Variants in TMC3 observed in about 807,000 individuals in gnomAD.
TMC3 encodes the protein transmembrane channel-like protein 3.
TMC3 carries 98 observed loss-of-function variants against 110.6 expected under a neutral mutation model. The ratio of observed to expected loss-of-function variants is 0.89; its 90% confidence interval spans 0.75 to 1.05. The LOEUF (loss-of-function observed/expected upper bound fraction) is 1.05. TMC3 is among the 50% of genes least tolerant of loss of function. TMC3 has a pLI of 0.00. For missense variants in TMC3, 1,319 were observed against 1,373.2 expected (o/e 0.96, Z 0.62); for synonymous variants, 489 against 513.1 (o/e 0.95, Z 0.63).
At chr15:81,353,991 T>C (rs1224107671) in intron 9 of TMC3, among the ~76,000 whole-genome samples, 1 of 152,220 alleles carries the variant, frequency 6.6e-6, no homozygotes, top group Admixed American at 6.5e-5. Flanking sequence ...TTTCCTAATT[T>C]GGTCTCACTT....
In TMC3 at chr15:81,344,991, G is replaced by A; in HGVS notation, c.1293C>T (p.Asn431=). The A allele has an allele frequency of 6.3e-7, 1 of 1,583,634 alleles. No individual in the cohort carries two copies. Among genetic ancestry groups the A allele is most frequent in the Non-Finnish European group, 8.6e-7 (1 of 1,164,262 alleles). Residue 431 remains asparagine, a synonymous_variant, in exon 13 of 22, where the codon AAC becomes AAT. Coordinates refer to ENST00000359440, the MANE Select transcript of TMC3 (RefSeq NM_001080532.3). ...MSIEEMATKN[N]TSHWIDSTTF... ...TGGTGGAATCTATCCAATGACTTGT[G>A]TTATTTTTGGTAGCCATTTCCTGGG... is the stretch of plus-strand genomic sequence containing the variant.
intron 16 of TMC3, among the ~76,000 whole-genome samples, chr15:81,340,213 T>A (rs1054154331): frequency 8.0e-6 from 1 of 124,692 alleles, no homozygotes; most frequent in Non-Finnish European, 1.6e-5. Flanking sequence ...TCTCTGTCTC[T>A]CTCTGTCTCT....
rs1177566427 is a variant in TMC3 at position 81,358,151 on chromosome 15, T to C, written c.741A>G (p.Lys247=). ...VFAYSFIILL[K]KMAKNSRTSL... The stretch of plus-strand genomic sequence containing the variant: ...TTTGAGAAATTGAGCAGTCATACTT[T>C]TTTAAAAGAATGATGAAGCTGTAAG... Residue 247 remains lysine (K), a splice_region_variant and synonymous_variant, in exon 7 of 22, where the codon AAA becomes AAG. Transcript: ENST00000359440. 6.3e-7 allele frequency: 1 copy of C among 1,591,888 alleles called. No individual in the cohort carries two copies. The highest frequency in any genetic ancestry group is 8.5e-7 in the Non-Finnish European group (1 of 1,171,128).
intron 3 of TMC3, among the ~76,000 whole-genome samples, chr15:81,363,795 T>C (rs906884610): frequency 6.6e-6 from 1 of 152,186 alleles, no homozygotes; most frequent in East Asian, 1.9e-4. Context: ...TCCTAGGGCA[T>C]AGAGAGGGAG....
chr15:81,344,109 A>G lies in TMC3; in HGVS notation c.1519-64T>C, dbSNP rs1414166849. ...CCCTTCCCACGGTCACTCTTCCTTC[A>G]GGGTGCTCCTAATCTCTGTTCATTC... is the stretch of plus-strand genomic sequence containing the variant. On this transcript the variant is annotated intron_variant, in intron 13 of 21. Transcript: ENST00000359440. The G allele has an allele frequency of 1.9e-6, 3 of 1,554,844 alleles. No homozygotes were observed. In the African/African-American group the frequency reaches 4.1e-5, roughly 21 times the overall value.
rs771897153 is a variant in TMC3 at position 81,356,577 on chromosome 15, C to T, written c.761G>A (p.Arg254His). The T allele has an allele frequency of 3.1e-5, 50 of 1,587,966 alleles. No homozygotes were observed. Among genetic ancestry groups the T allele is most frequent in the East Asian group, 4.6e-5 (2 of 43,776 alleles). Reference protein sequence around the residue: ...ILLKKMAKNSRTSLASASNEN... With the variant: ...ILLKKMAKNSHTSLASASNEN... ...ATTGGAAGCACTGGCAAGACTCGTG[C>T]GGGAGTTCTTAGCCATCCTGCAAAA... The change falls in exon 8 of 22, where the codon CGC becomes CAC. Residue 254 changes from arginine (R) to histidine (H), a missense_variant. Transcript: ENST00000359440.
In TMC3 at chr15:81,356,573, C is replaced by T. The variant is rs375067089; in HGVS notation, c.765G>A (p.Thr255=). 3.8e-5 allele frequency: 61 copies of T among 1,587,950 alleles called. No individual in the cohort carries two copies. Among genetic ancestry groups the T allele is most frequent in the Middle Eastern group, 1.7e-4 (1 of 6,056 alleles). The change falls in exon 8 of 22, where the codon ACG becomes ACA. Residue 255 remains threonine (T), a synonymous_variant. Transcript: ENST00000359440. ...TTTCATTGGAAGCACTGGCAAGACTCGTGCGGGAGTTCTTAGCCATCCTGC... is the reference window on the plus strand; with the variant it reads ...TTTCATTGGAAGCACTGGCAAGACTTGTGCGGGAGTTCTTAGCCATCCTGC... ...LLKKMAKNSR[T]SLASASNENY...
chr15:81,332,245 A>C lies in TMC3; in HGVS notation c.*174T>G. 2 of 933,896 alleles carry C rather than the reference A, an allele frequency of 2.1e-6. No homozygotes were observed. The highest frequency in any genetic ancestry group is 5.4e-5 in the East Asian group (2 of 36,718). The allele number at this position is 933,896 out of a possible 1,614,324, so 57.9% of individuals were successfully genotyped here. A position where few individuals can be genotyped will look rare whatever the true frequency, so the allele number is the denominator to read the frequency against. ...GATAAATTTGGCTAACAGTAGCTGT[A>C]GAATAGGTATCTGTAGCCCTGTCAG... is the stretch of plus-strand genomic sequence containing the variant. On this transcript the variant is annotated 3_prime_UTR_variant, in exon 22 of 22. Coordinates refer to ENST00000359440, the MANE Select transcript of TMC3 (RefSeq NM_001080532.3).
intron 15 of TMC3, among the ~76,000 whole-genome samples, chr15:81,342,363 G>A (rs1567062517): frequency 6.6e-6 from 1 of 152,156 alleles, no homozygotes; most frequent in Non-Finnish European, 1.5e-5. Flanking sequence ...TGGATGTTAG[G>A]CAAGACACTA....
intron 4 of TMC3, among the ~76,000 whole-genome samples, chr15:81,360,381 C>T (rs771671282): frequency 6.6e-6 from 1 of 152,164 alleles, no homozygotes; most frequent in Non-Finnish European, 1.5e-5. Flanking sequence ...AAATACTCTT[C>T]TATAAAATAA....
intron 10 of TMC3, among the ~76,000 whole-genome samples, chr15:81,350,220 G>A (rs1446759644): frequency 6.6e-6 from 1 of 152,192 alleles, no homozygotes; most frequent in Non-Finnish European, 1.5e-5. Context: ...GGGCAACAGA[G>A]TGAAACCTTG....
rs150152539 is a variant in TMC3, at chr15:81,338,920, T to A, written c.1956-140A>T. On this transcript the variant is annotated intron_variant, in intron 17 of 21. Coordinates refer to ENST00000359440, the MANE Select transcript of TMC3 (RefSeq NM_001080532.3). Reference sequence around the variant, plus strand: ...TTTCATATCTAATTAATATGGAGGATGGAAGATGGGGTCATTAATCACATT... The same window carrying A: ...TTTCATATCTAATTAATATGGAGGAAGGAAGATGGGGTCATTAATCACATT... The A allele has an allele frequency of 2.4e-5, 22 of 916,426 alleles. No individual in the cohort carries two copies. The East Asian group carries it at 5.4e-4, about 22-fold the overall frequency. 56.8% of individuals were successfully genotyped at this position (916,426 alleles called of 1,614,324 possible). A position where few individuals can be genotyped will look rare whatever the true frequency, so the allele number is the denominator to read the frequency against.
At chr15:81,367,587 A>G (rs986796430) in intron 3 of TMC3, among the ~76,000 whole-genome samples, 1 of 152,226 alleles carries the variant, frequency 6.6e-6, no homozygotes, top group Non-Finnish European at 1.5e-5. Flanking sequence ...ATTGGCATAT[A>G]CCTGCAGCTT....
chr15:81,331,811 G>T lies in TMC3; in HGVS notation c.*608C>A, dbSNP rs1376423128. ...AGGGAAGAACCTCGAGTGAGCGCGT[G>T]CACAACTCCAGTAAACACACTGCGC... is the stretch of plus-strand genomic sequence containing the variant. On this transcript the variant is annotated 3_prime_UTR_variant, in exon 22 of 22. Coordinates refer to ENST00000359440, the MANE Select transcript of TMC3 (RefSeq NM_001080532.3). The T allele has an allele frequency of 1.3e-5, 2 of 152,138 alleles. No individual in the cohort carries two copies. Among genetic ancestry groups the T allele is most frequent in the African/African-American group, 2.4e-5 (1 of 41,338 alleles). The allele number at this position is 152,138 out of a possible 1,614,324, so 9.4% of individuals were successfully genotyped here.
chr15:81,364,640 A>G (rs192042963), intron 3 of TMC3, among the ~76,000 whole-genome samples: 1 of 150,692 alleles, frequency 6.6e-6, no homozygotes. Flanking sequence ...TATGTAACTA[A>G]CCTGCACAAT....
chr15:81,338,654 C>T lies in TMC3; in HGVS notation c.2081+1G>A. The T allele has an allele frequency of 6.2e-7, 1 of 1,613,892 alleles. No individual in the cohort carries two copies. Among genetic ancestry groups the T allele is most frequent in the Non-Finnish European group, 8.5e-7 (1 of 1,179,826 alleles). ...CCAAAGCTGGCAGGTGTGGTACTCA[C>T]AAAAGCAGGAGTACTGCGGGCAGGA... On this transcript the variant is annotated splice_donor_variant, in intron 18 of 21. Coordinates refer to ENST00000359440, the MANE Select transcript of TMC3 (RefSeq NM_001080532.3). LOFTEE classifies it high-confidence loss of function.
Position 81,337,529 on chromosome 15 carries a change from G to A in TMC3, c.2160+317C>T, listed in dbSNP as rs141090525. ...CTTTCTCTCCCCTGCCAATCTACCA[G>A]AGCTCACAAAAGTACCTGGCACACT... On this transcript the variant is annotated intron_variant, in intron 19 of 21. Transcript: ENST00000359440. The A allele has an allele frequency of 1.1e-3, 489 of 453,734 alleles. 2 individuals are homozygous for A. Among genetic ancestry groups the A allele is most frequent in the South Asian group, 1.7e-3 (68 of 40,870 alleles). The allele number at this position is 453,734 out of a possible 1,614,324, so 28.1% of individuals were successfully genotyped here.
chr15:81,359,322 G>A, intron 5 of TMC3, 43 bp downstream of exon 5: 1 of 1,395,610 alleles, frequency 7.2e-7, no homozygotes, highest in Non-Finnish European at 9.9e-7. Context: ...CTGCTGTAAT[G>A]TCTCCTCTTT....
intron 10 of TMC3, among the ~76,000 whole-genome samples, chr15:81,350,324 G>T (rs1183416902): frequency 6.6e-6 from 1 of 152,212 alleles, no homozygotes; most frequent in Non-Finnish European, 1.5e-5. Flanking sequence ...TTGGATGGAA[G>T]ATGGAAATAA....
Sources: allele counts gnomAD v4.1 joint callset (sites outside exome capture counted in the v4.1 genomes callset), GRCh38; gene constraint gnomAD v4.1.1; transcripts MANE v1.5; gene names NCBI Gene and HGNC (gene_info 2026-07-23, HGNC 2026-07-21).